The following MAGI1 variants were observed in gnomAD, a reference collection of about 807,000 sequenced individuals.
MAGI1 encodes membrane associated guanylate kinase, WW and PDZ domain containing 1.
MAGI1 carries 58 observed loss-of-function variants against 139.9 expected under a neutral mutation model. The ratio of observed to expected loss-of-function variants is 0.41; its 90% CI spans 0.34 to 0.52. MAGI1 has a LOEUF of 0.52. Ranked by LOEUF, MAGI1 falls within the 20% of genes least tolerant of loss-of-function variation. The probability of loss-of-function intolerance (pLI) is 0.12; values close to 1 mark genes in which losing one functional copy is unlikely to be tolerated. For missense variants in MAGI1, 1,874 were observed against 1,901.6 expected, an observed-to-expected ratio of 0.99 and a Z score of 0.27; for synonymous variants, 812 against 737.9, an observed-to-expected ratio of 1.10 and a Z score of -1.63.
At chr3:65,656,667 C>T (rs990622576) in intron 1 of MAGI1, among the ~76,000 whole-genome samples, 1 of 151,948 alleles carries the variant, frequency 6.6e-6, no homozygotes, top group Admixed American at 6.6e-5. Context: ...ATTTATTGTA[C>T]TCCACATCAA....
rs541742384 is a variant in MAGI1, at chr3:66,025,100, A to T, written c.313+12896T>A. ...TTCGCTAAAATGTATGTATGAGGGT[A>T]GTCATCAATATGTTATATAAAAGAG... is the stretch of plus-strand genomic sequence containing the variant. On this transcript the variant is annotated intron_variant, in intron 1 of 22. Transcript: ENST00000402939. Among the ~76,000 whole-genome samples, 133 of 152,360 alleles carry T rather than the reference A, an allele frequency of 8.7e-4. 2 individuals are homozygous for T. In the South Asian group the frequency reaches 0.026, roughly 30 times the overall value.
intron 1 of MAGI1, among the ~76,000 whole-genome samples, chr3:65,734,451 C>G: frequency 7.8e-6 from 1 of 128,912 alleles, no homozygotes; most frequent in African/African-American, 3.3e-5. Flanking sequence ...CAGAGTGAGA[C>G]CCTGTCAAGA....
At chr3:65,729,422 T>C (rs1341318852) in intron 1 of MAGI1, among the ~76,000 whole-genome samples, 1 of 152,196 alleles carries the variant, frequency 6.6e-6, no homozygotes, top group African/African-American at 2.4e-5. Flanking sequence ...TATGAGCATT[T>C]TGGGTATAAT....
intron 1 of MAGI1, among the ~76,000 whole-genome samples, chr3:65,766,095 G>C (rs1174219530): frequency 6.6e-6 from 1 of 151,758 alleles, no homozygotes; most frequent in South Asian, 2.1e-4. Context: ...ATTTACATTT[G>C]CCTTCCTAAC....
chr3:65,936,488 A>G (rs1024804474), intron 1 of MAGI1, among the ~76,000 whole-genome samples: 6 of 151,780 alleles, frequency 4.0e-5, no homozygotes, highest in Non-Finnish European at 8.8e-5. Context: ...AAATACAAAA[A>G]TTAGCTGGGT....
intron 1 of MAGI1, among the ~76,000 whole-genome samples, chr3:65,950,059 CAAAAAAACA>C (rs2063731008): frequency 7.4e-5 from 1 of 13,464 alleles, no homozygotes; most frequent in Non-Finnish European, 1.4e-4. Context: ...AAAAAAAAAA[CAAAAAAACA>C]AAAAAAAAAC....
intron 1 of MAGI1, among the ~76,000 whole-genome samples, chr3:65,793,590 A>G (rs1339325244): frequency 6.6e-6 from 1 of 152,218 alleles, no homozygotes; most frequent in Admixed American, 6.5e-5. Context: ...TAGAATAACC[A>G]TTGAGCTCAC....
intron 2 of MAGI1, among the ~76,000 whole-genome samples, chr3:65,527,271 C>T (rs916821953): frequency 2.0e-5 from 3 of 152,174 alleles, no homozygotes; most frequent in African/African-American, 4.8e-5. Context: ...ACCTAACTTA[C>T]ATTGTTCAGA....
rs576929983 is a variant in MAGI1 at position 65,680,919 on chromosome 3, C to T, written c.314-58831G>A. On this transcript the variant is annotated intron_variant, in intron 1 of 22. Transcript: ENST00000402939. Reference sequence around the variant, plus strand: ...AGTGTGAGTTTTTCTTGTAATGGGACGGAAAGATTCAGTATTTTAGTTTCG... The same window carrying T: ...AGTGTGAGTTTTTCTTGTAATGGGATGGAAAGATTCAGTATTTTAGTTTCG... 7.9e-5 allele frequency among the ~76,000 whole-genome samples: 12 copies of T among 152,212 alleles called. No homozygotes were observed. The South Asian group carries it at 1.9e-3, about 24-fold the overall frequency.
chr3:65,806,218 C>T (rs976262445), intron 1 of MAGI1, among the ~76,000 whole-genome samples: 2 of 152,126 alleles, frequency 1.3e-5, no homozygotes, highest in South Asian at 2.1e-4. Flanking sequence ...ATCACAAGGT[C>T]GGGAGATCAA....
intron 12 of MAGI1, among the ~76,000 whole-genome samples, chr3:65,423,750 C>G (rs1559542015): frequency 2.0e-5 from 3 of 152,308 alleles, no homozygotes; most frequent in Non-Finnish European, 2.9e-5. Context: ...GCTTCCTCTT[C>G]TCCAAAATGG....
At chr3:65,690,723 A>ACCACCCAATGTGCTGGGATTACAG (rs1553691942) in intron 1 of MAGI1, among the ~76,000 whole-genome samples, 1 of 133,326 alleles carries the variant, frequency 7.5e-6, no homozygotes. Flanking sequence ...CAAGTGATCC[A>ACCACCCAATGTGCTGGGATTACAG]CCTCCCAATG....
At chr3:65,431,065 T>C (rs1186011523) in intron 10 of MAGI1, among the ~76,000 whole-genome samples, 184 bp from the exon 11 acceptor site, 1 of 152,104 alleles carries the variant, frequency 6.6e-6, no homozygotes, top group Admixed American at 6.6e-5. Flanking sequence ...CCAGTGTTGA[T>C]GGAGGGAGGT....
At chr3:65,773,363 T>C (rs1475259269) in intron 1 of MAGI1, among the ~76,000 whole-genome samples, 1 of 151,686 alleles carries the variant, frequency 6.6e-6, no homozygotes, top group Non-Finnish European at 1.5e-5. Flanking sequence ...TGAAACCTCA[T>C]CTCCATAAAA....
chr3:65,611,900 CTAATAG>C (rs1271606185), intron 2 of MAGI1, among the ~76,000 whole-genome samples: 1 of 151,718 alleles, frequency 6.6e-6, no homozygotes, highest in Non-Finnish European at 1.5e-5. Context: ...AGTGAAGATA[CTAATAG>C]TAATTACTTC....
At chr3:65,568,735 T>TA (rs2080801535) in intron 2 of MAGI1, among the ~76,000 whole-genome samples, 1 of 152,186 alleles carries the variant, frequency 6.6e-6, no homozygotes, top group Admixed American at 6.5e-5. Flanking sequence ...GACTATTAAA[T>TA]ACCAGTTCAG....
intron 1 of MAGI1, among the ~76,000 whole-genome samples, chr3:65,842,446 C>T (rs560886853): frequency 3.3e-5 from 5 of 151,866 alleles, no homozygotes; most frequent in Non-Finnish European, 5.9e-5. Flanking sequence ...CCACAACCTC[C>T]GCCTCCCAGG....
intron 18 of MAGI1, chr3:65,365,175 C>T (rs764233027): frequency 2.8e-6 from 2 of 717,338 alleles, no homozygotes; most frequent in Non-Finnish European, 5.2e-6. Context: ...ACAGACATCT[C>T]CACAAATAAA....
chr3:65,394,864 A>C (rs2107034075), intron 13 of MAGI1, among the ~76,000 whole-genome samples: 1 of 152,148 alleles, frequency 6.6e-6, no homozygotes, highest in East Asian at 1.9e-4. Context: ...GAATACGTTC[A>C]CTTCTGAACT....
Sources: allele counts gnomAD v4.1 joint callset (sites outside exome capture counted in the v4.1 genomes callset), GRCh38; gene constraint gnomAD v4.1.1; transcripts MANE v1.5; gene names NCBI Gene and HGNC (gene_info 2026-07-23, HGNC 2026-07-21).